ERC2: variants seen among roughly 807,000 people sequenced by gnomAD.
ERC2 encodes the protein ELKS/RAB6-interacting/CAST family member 2, also known as ERC protein 2.
ERC2 carries 42 observed loss-of-function variants against 114.8 expected under a neutral mutation model. The ratio of observed to expected loss-of-function variants is 0.37; its 90% confidence interval spans 0.29 to 0.47. ERC2 has a LOEUF of 0.47. Ranked by LOEUF, ERC2 falls within the 20% of genes least tolerant of loss-of-function variation. ERC2 has a pLI of 0.99. For synonymous variants in ERC2, 454 were observed against 425.5 expected, an observed-to-expected ratio of 1.07 and a Z score of -0.82; for missense variants, 939 against 1,150.7, an observed-to-expected ratio of 0.82 and a Z score of 2.66.
At chr3:55,894,158 C>A (rs2063737881) in intron 13 of ERC2, among the ~76,000 whole-genome samples, 1 of 151,840 alleles carries the variant, frequency 6.6e-6, no homozygotes, top group African/African-American at 2.4e-5. Flanking sequence ...AAATTGATTT[C>A]ATGTAAGAAA....
At chr3:56,074,297 A>G (rs2149739119) in intron 7 of ERC2, among the ~76,000 whole-genome samples, 1 of 152,324 alleles carries the variant, frequency 6.6e-6, no homozygotes, top group Non-Finnish European at 1.5e-5. Context: ...GATAGTGCCT[A>G]TAAGCCATTA....
intron 14 of ERC2, among the ~76,000 whole-genome samples, chr3:55,809,246 T>C (rs1409029450): frequency 6.6e-6 from 1 of 152,160 alleles, no homozygotes; most frequent in East Asian, 1.9e-4. Flanking sequence ...GTGGCATGCA[T>C]AGAATGTGTA....
intron 14 of ERC2, among the ~76,000 whole-genome samples, chr3:55,777,197 A>G (rs969401486): frequency 2.6e-5 from 4 of 152,248 alleles, no homozygotes; most frequent in Non-Finnish European, 5.9e-5. Context: ...ACCTGGTGTC[A>G]ATATTCCAGT....
intron 3 of ERC2, among the ~76,000 whole-genome samples, chr3:56,219,433 T>C (rs1394195232): frequency 6.6e-6 from 1 of 152,178 alleles, no homozygotes; most frequent in African/African-American, 2.4e-5. Flanking sequence ...GTCTGTGGGC[T>C]ACACACTGTG....
chr3:56,370,575 GT>G (rs1214838167), intron 2 of ERC2, among the ~76,000 whole-genome samples: 1 of 148,482 alleles, frequency 6.7e-6, no homozygotes, highest in Admixed American at 6.8e-5. Flanking sequence ...TGTTTTTTGG[GT>G]TTTGGTGGGG....
At chr3:55,873,725 CT>C (rs142081382) in intron 14 of ERC2, among the ~76,000 whole-genome samples, 1,901 of 152,280 alleles carry the variant, frequency 0.012, 13 homozygotes, top group Non-Finnish European at 0.019. Flanking sequence ...GCCACAGGGC[CT>C]TTGCATAGGC....
intron 14 of ERC2, among the ~76,000 whole-genome samples, chr3:55,830,530 A>T (rs1211688133): frequency 6.6e-6 from 1 of 152,230 alleles, no homozygotes; most frequent in Non-Finnish European, 1.5e-5. Context: ...GACAAATAGG[A>T]AAGTGAGGAT....
At position 56,270,693 on chromosome 3, in the gene ERC2, C is replaced by A. The variant is rs550739787; in HGVS notation, c.1074+25326G>T. Among the ~76,000 whole-genome samples the A allele has an allele frequency of 3.9e-5, 6 of 152,284 alleles. No homozygotes were observed. In the South Asian group the frequency reaches 1.2e-3, roughly 32 times the overall value. ...GAAAACAAGGCCTATAAAAGACCAG[C>A]CATGGGCAGGGCATGGTGGCTTATG... is the stretch of plus-strand genomic sequence containing the variant. On this transcript the variant is annotated intron_variant, in intron 3 of 17. Transcript: ENST00000288221.
chr3:56,345,988 T>C (rs190190598), intron 2 of ERC2, among the ~76,000 whole-genome samples: 164 of 152,306 alleles, frequency 1.1e-3, no homozygotes, highest in African/African-American at 3.7e-3. Flanking sequence ...ATTTCAGAGA[T>C]CTACCCCTTA....
intron 17 of ERC2, among the ~76,000 whole-genome samples, chr3:55,541,136 A>G (rs2054368011): frequency 6.6e-6 from 1 of 152,190 alleles, no homozygotes; most frequent in Admixed American, 6.5e-5. Context: ...CTGAGAAAAA[A>G]CAATTTCATT....
chr3:55,537,185 G>A (rs1026693268), intron 17 of ERC2, among the ~76,000 whole-genome samples: 13 of 152,072 alleles, frequency 8.5e-5, no homozygotes, highest in East Asian at 3.9e-4. Context: ...GGGGCTGGCC[G>A]GCCACATTTC....
intron 17 of ERC2, among the ~76,000 whole-genome samples, chr3:55,603,306 GC>G (rs1160662288): frequency 6.6e-6 from 1 of 152,174 alleles, no homozygotes; most frequent in African/African-American, 2.4e-5. Flanking sequence ...AAAAACCATT[GC>G]CCTTGTTCTT....
intron 15 of ERC2, among the ~76,000 whole-genome samples, chr3:55,725,794 G>T (rs1011184100): frequency 9.9e-5 from 15 of 152,214 alleles, no homozygotes; most frequent in Non-Finnish European, 1.9e-4. Flanking sequence ...TTTGAAAAAT[G>T]CATGAAATCA....
chr3:56,356,677 GTGGTCC>G (rs2058756522), intron 2 of ERC2, among the ~76,000 whole-genome samples: 1 of 152,030 alleles, frequency 6.6e-6, no homozygotes, highest in African/African-American at 2.4e-5. Context: ...CCACAATTCT[GTGGTCC>G]AAATCCAAGT....
intron 14 of ERC2, among the ~76,000 whole-genome samples, chr3:55,845,052 T>C (rs1020988125): frequency 6.6e-6 from 1 of 152,112 alleles, no homozygotes; most frequent in Non-Finnish European, 1.5e-5. Flanking sequence ...CTCACACTCC[T>C]ATGAGAATCT....
At position 55,776,496 on chromosome 3, in the gene ERC2, G is replaced by C. The variant is rs9824953; in HGVS notation, c.2565-41578C>G. ...GGGACTAAGAAGGAGCAGGTCCAGG[G>C]ATTCACTAGGAACATTCTTGGGAAC... is the stretch of plus-strand genomic sequence containing the variant. On this transcript the variant is annotated intron_variant, in intron 14 of 17. Transcript: ENST00000288221. Among the ~76,000 whole-genome samples, 864 of 152,284 alleles carry C rather than the reference G, an allele frequency of 5.7e-3. 9 individuals carry two copies. The highest frequency in any genetic ancestry group is 0.02 in the African/African-American group (823 of 41,550).
intron 2 of ERC2, among the ~76,000 whole-genome samples, chr3:56,376,327 A>C (rs2059539385): frequency 6.6e-6 from 1 of 152,132 alleles, no homozygotes; most frequent in East Asian, 1.9e-4. Flanking sequence ...ATTATAGAGC[A>C]TTTACTAACA....
intron 12 of ERC2, among the ~76,000 whole-genome samples, chr3:55,951,330 T>C (rs1381616939): frequency 2.6e-5 from 4 of 152,226 alleles, no homozygotes; most frequent in Non-Finnish European, 5.9e-5. Context: ...AAATACATTG[T>C]CATCACTTAG....
At chr3:55,883,359 T>C (rs1163826869) in intron 14 of ERC2, among the ~76,000 whole-genome samples, 1 of 152,166 alleles carries the variant, frequency 6.6e-6, no homozygotes, top group African/African-American at 2.4e-5. Flanking sequence ...GTGTGGCACA[T>C]GTCCCAAAAT....
Sources: allele counts gnomAD v4.1 joint callset (sites outside exome capture counted in the v4.1 genomes callset), GRCh38; gene constraint gnomAD v4.1.1; transcripts MANE v1.5; gene names NCBI Gene and HGNC (gene_info 2026-07-23, HGNC 2026-07-21).